The following PPP2R2B variants were observed in gnomAD, a reference collection of about 807,000 sequenced individuals.
PPP2R2B encodes serine/threonine-protein phosphatase 2A 55 kDa regulatory subunit B beta isoform.
PPP2R2B carries 5 observed loss-of-function variants against 46.0 expected under a neutral mutation model. The observed-to-expected ratio is 0.11, with a 90% CI of 0.06 to 0.23. The LOEUF (loss-of-function observed/expected upper bound fraction) is 0.23, where lower values mean the gene tolerates loss of function less well. PPP2R2B is among the 10% of genes least tolerant of loss of function. The pLI is 1.00. For synonymous variants in PPP2R2B, 215 were observed against 206.7 expected (o/e 1.04, Z -0.34); for missense variants, 367 against 575.0 (o/e 0.64, Z 3.70).
Position 146,730,711 on chromosome 5 carries a change from G to A in PPP2R2B, c.71-29569C>T, listed in dbSNP as rs142222113. ...CTCTTGCCGCCACCATGTAAGAAGT[G>A]CCTTTCACCTCCTGACATGCTTCTG... On this transcript the variant is annotated intron_variant, in intron 2 of 9. Coordinates refer to ENST00000394411, the MANE Select transcript of PPP2R2B (RefSeq NM_181675.4). Among the ~76,000 whole-genome samples the A allele has an allele frequency of 2.6e-5, 4 of 152,280 alleles. No individual in the cohort carries two copies. The East Asian group carries it at 7.7e-4, about 29-fold the overall frequency.
intron 2 of PPP2R2B, among the ~76,000 whole-genome samples, chr5:146,801,614 G>T (rs576619683): frequency 1.3e-5 from 2 of 152,210 alleles, no homozygotes; most frequent in East Asian, 1.9e-4. Context: ...GGGTCAGGCC[G>T]CCTGCCTCTG....
chr5:146,938,680 A>G (rs1338720218), intron 1 of PPP2R2B, among the ~76,000 whole-genome samples: 1 of 151,692 alleles, frequency 6.6e-6, no homozygotes, highest in African/African-American at 2.4e-5. Flanking sequence ...TGTCTGGATG[A>G]AGCAATTTTG....
upstream of PPP2R2B, chr5:146,878,955 G>C: frequency 8.9e-7 from 1 of 1,118,984 alleles, no homozygotes; most frequent in African/African-American, 1.7e-5. The surrounding 1 kb of genome is among the most constrained non-coding windows in gnomAD (Gnocchi z 4.5). Context: ...GGAACGCATA[G>C]ACGCGCTCTT....
At chr5:146,748,871 G>A (rs988190341) in intron 2 of PPP2R2B, among the ~76,000 whole-genome samples, 4 of 152,126 alleles carry the variant, frequency 2.6e-5, no homozygotes, top group African/African-American at 4.8e-5. Context: ...AGGTTTTTGT[G>A]TGCACATACA....
intron 2 of PPP2R2B, among the ~76,000 whole-genome samples, chr5:146,785,407 G>A (rs952073487): frequency 6.6e-6 from 1 of 152,086 alleles, no homozygotes; most frequent in Non-Finnish European, 1.5e-5. Flanking sequence ...AATTAGCTGG[G>A]CATGGTAGTG....
chr5:146,588,816 T>A lies in PPP2R2B; in HGVS notation c.*1131A>T, dbSNP rs1393211374. On this transcript the variant is annotated 3_prime_UTR_variant, in exon 10 of 10. Transcript: ENST00000394411. ...TGGTCTGTTTTTCCAGATGGCGAGC[T>A]TGGGGTGAGTTAGAAGTGCCTGATT... 1 of 152,166 alleles carries A rather than the reference T, an allele frequency of 6.6e-6. No homozygotes were observed. Among genetic ancestry groups the A allele is most frequent in the African/African-American group, 2.4e-5 (1 of 41,442 alleles). The allele number at this position is 152,166 out of a possible 1,614,324, so 9.4% of individuals were successfully genotyped here. A position where few individuals can be genotyped will look rare whatever the true frequency, so the allele number is the denominator to read the frequency against.
intron 1 of PPP2R2B, among the ~76,000 whole-genome samples, chr5:146,898,931 T>C (rs1310150645): frequency 4.3e-5 from 6 of 140,738 alleles, no homozygotes; most frequent in Non-Finnish European, 7.5e-5. Flanking sequence ...TGAGATACCA[T>C]CTCACACCAG....
intron 2 of PPP2R2B, among the ~76,000 whole-genome samples, chr5:146,774,993 T>C (rs545431160): frequency 4.6e-5 from 7 of 152,216 alleles, no homozygotes; most frequent in African/African-American, 1.7e-4. Flanking sequence ...AATCAGTAAT[T>C]AGAAATCTTC....
At chr5:146,685,158 T>C (rs1457557966) in intron 5 of PPP2R2B, among the ~76,000 whole-genome samples, 1 of 152,122 alleles carries the variant, frequency 6.6e-6, no homozygotes, top group Non-Finnish European at 1.5e-5. Context: ...ATCCTCACTG[T>C]TGTTTAAATC....
rs974247120 is a variant in PPP2R2B, at chr5:146,604,846, G to A, written c.791-4386C>T. ...ATCTGTCACACCACCTCCACAACAG[G>A]GCCTTGCCTTGCTTTGTCAATATTG... On this transcript the variant is annotated intron_variant, in intron 7 of 9. Coordinates refer to ENST00000394411, the MANE Select transcript of PPP2R2B (RefSeq NM_181675.4). Among the ~76,000 whole-genome samples, 3 of 152,038 alleles carry A rather than the reference G, an allele frequency of 2.0e-5. No individual in the cohort carries two copies. In the South Asian group the frequency reaches 6.2e-4, roughly 32 times the overall value.
chr5:146,956,102 A>G (rs750498608), intron 1 of PPP2R2B, among the ~76,000 whole-genome samples: 28 of 152,070 alleles, frequency 1.8e-4, no homozygotes, highest in Non-Finnish European at 3.5e-4. Context: ...TAAGGAGTCT[A>G]AGAAAATAGT....
At chr5:146,980,886 C>T (rs902235955) in intron 1 of PPP2R2B, among the ~76,000 whole-genome samples, 2 of 152,072 alleles carry the variant, frequency 1.3e-5, no homozygotes, top group Non-Finnish European at 2.9e-5. Flanking sequence ...TACTAGTTTT[C>T]TGTGTTGTAA....
chr5:146,956,337 T>C (rs1352151249), intron 1 of PPP2R2B, among the ~76,000 whole-genome samples: 1 of 152,184 alleles, frequency 6.6e-6, no homozygotes, highest in East Asian at 1.9e-4. Context: ...TTGACTCCCA[T>C]GCTCTTTGTT....
At chr5:146,931,367 G>C (rs747088548) in intron 1 of PPP2R2B, among the ~76,000 whole-genome samples, 7 of 152,084 alleles carry the variant, frequency 4.6e-5, no homozygotes, top group Non-Finnish European at 1.0e-4. Flanking sequence ...TTTCTTGACT[G>C]CTAGCTCACA....
intron 1 of PPP2R2B, among the ~76,000 whole-genome samples, chr5:146,946,000 T>G (rs1764468042): frequency 6.6e-6 from 1 of 152,076 alleles, no homozygotes; most frequent in African/African-American, 2.4e-5. Context: ...AGAGGCTGAG[T>G]GAGATTTGTT....
rs1261555851 is a variant in PPP2R2B at position 146,859,002 on chromosome 5, A to G, written c.70+19000T>C. On this transcript the variant is annotated intron_variant, in intron 2 of 9. Transcript: ENST00000394411. ...GGTCAGTGTCTTACAGAGAGTCAGC[A>G]AGCAGATGCACTTTTTTCCAAGACT... Among the ~76,000 whole-genome samples the G allele has an allele frequency of 2.6e-5, 4 of 152,192 alleles. No homozygotes were observed. The East Asian group carries it at 7.7e-4, about 29-fold the overall frequency.
chr5:146,789,439 C>T (rs1561908348), intron 2 of PPP2R2B, among the ~76,000 whole-genome samples: 2 of 151,978 alleles, frequency 1.3e-5, no homozygotes, highest in African/African-American at 4.8e-5. Flanking sequence ...AATATAAATA[C>T]AAAAATACAA....
At chr5:146,827,779 T>G (rs543310606) in intron 2 of PPP2R2B, among the ~76,000 whole-genome samples, 23 of 152,282 alleles carry the variant, frequency 1.5e-4, no homozygotes, top group African/African-American at 5.5e-4. Context: ...GTAGAAGAGA[T>G]GACACAAGCA....
chr5:146,975,323 A>T lies in PPP2R2B; in HGVS notation c.79+80342T>A, dbSNP rs116587208. ...TTTCAAGATCCATCCATGTTATAGC[A>T]TGAGTAAGAATTTCCTTCTTTCTTA... is the stretch of plus-strand genomic sequence containing the variant. On this transcript the variant is annotated intron_variant, in intron 1 of 8. Coordinates refer to the PPP2R2B transcript ENST00000336640. Among the ~76,000 whole-genome samples the T allele has an allele frequency of 5.2e-3, 798 of 152,292 alleles. 3 individuals are homozygous for T. The highest frequency in any genetic ancestry group is 0.018 in the African/African-American group (756 of 41,566).
Sources: allele counts gnomAD v4.1 joint callset (sites outside exome capture counted in the v4.1 genomes callset), GRCh38; gene constraint gnomAD v4.1.1; non-coding constraint Gnocchi (gnomAD v3.1); transcripts MANE v1.5; gene names NCBI Gene and HGNC (gene_info 2026-07-23, HGNC 2026-07-21).